The following BCL2 variants were observed in gnomAD, a reference collection of about 807,000 sequenced individuals.
BCL2 encodes BCL2 apoptosis regulator, also known as apoptosis regulator Bcl-2.
A neutral mutation model predicts 14.2 loss-of-function variants in BCL2; 1 was observed. The ratio of observed to expected loss-of-function variants is 0.07; its 90% CI spans 0.02 to 0.33. The LOEUF (loss-of-function observed/expected upper bound fraction) is 0.33, where lower values mean the gene tolerates loss of function less well. Ranked by LOEUF, BCL2 falls within the 10% of genes least tolerant of loss-of-function variation. The pLI is 0.99. For synonymous variants in BCL2, 151 were observed against 137.2 expected (o/e 1.10, Z -0.70); for missense variants, 247 against 305.9 (o/e 0.81, Z 1.44).
chr18:63,208,506 A>G (rs1909907514), intron 2 of BCL2, among the ~76,000 whole-genome samples: 1 of 152,218 alleles, frequency 6.6e-6, no homozygotes. Context: ...AAGGAGCCAA[A>G]AGGAAATACC....
chr18:63,194,327 T>A (rs969616544), intron 2 of BCL2, among the ~76,000 whole-genome samples: 1 of 142,100 alleles, frequency 7.0e-6, no homozygotes, highest in African/African-American at 2.5e-5. Flanking sequence ...GATACATTTT[T>A]AAACTTTTTT....
intron 2 of BCL2, among the ~76,000 whole-genome samples, chr18:63,202,733 A>G (rs1340112279): frequency 6.6e-6 from 1 of 152,226 alleles, no homozygotes; most frequent in African/African-American, 2.4e-5. Flanking sequence ...GTTCTTAGAC[A>G]AATGGGGATC....
At position 63,165,052 on chromosome 18, in the gene BCL2, C is replaced by T. The variant is rs575718362; in HGVS notation, c.586-36293G>A. Among the ~76,000 whole-genome samples, 76 of 151,940 alleles carry T rather than the reference C, an allele frequency of 5.0e-4. 2 individuals carry two copies. In the South Asian group the frequency reaches 0.014, roughly 27 times the overall value. ...TAACCTGCACATTGTGCACATGTACCCTAAAACTTAAAGTATAATAATAAA... is the reference window on the plus strand; with the variant it reads ...TAACCTGCACATTGTGCACATGTACTCTAAAACTTAAAGTATAATAATAAA... On this transcript the variant is annotated intron_variant, in intron 2 of 2. Transcript: ENST00000333681.
intron 2 of BCL2, among the ~76,000 whole-genome samples, chr18:63,131,383 G>A (rs1200647835): frequency 6.6e-6 from 1 of 152,192 alleles, no homozygotes; most frequent in Admixed American, 6.5e-5. Flanking sequence ...CGAGGCAATA[G>A]ACGTACATAA....
intron 2 of BCL2, among the ~76,000 whole-genome samples, chr18:63,287,850 A>G (rs1363645237): frequency 6.6e-6 from 1 of 152,222 alleles, no homozygotes; most frequent in African/African-American, 2.4e-5. Context: ...GTATGAGTGA[A>G]GAACTCAGAT....
chr18:63,193,106 G>A (rs1488099165), intron 2 of BCL2, among the ~76,000 whole-genome samples: 2 of 152,212 alleles, frequency 1.3e-5, no homozygotes, highest in East Asian at 3.9e-4. Flanking sequence ...AGAAGCACAT[G>A]TTACTGTGGT....
At chr18:63,224,204 A>C (rs560128074) in intron 2 of BCL2, among the ~76,000 whole-genome samples, 36 of 152,342 alleles carry the variant, frequency 2.4e-4, no homozygotes, top group Admixed American at 1.6e-3. Flanking sequence ...ATATGAAAAA[A>C]TCACAAAACT....
chr18:63,265,010 A>T (rs181358399), intron 2 of BCL2, among the ~76,000 whole-genome samples: 1 of 53,710 alleles, frequency 1.9e-5, no homozygotes, highest in South Asian at 6.3e-4. Context: ...GAGAGGCGCC[A>T]GGGTCCTCAA....
At chr18:63,316,599 G>A (rs576320138) in intron 2 of BCL2, 1 of 152,214 alleles carries the variant, frequency 6.6e-6, no homozygotes, top group East Asian at 1.9e-4. Context: ...AATTTAAATT[G>A]GGGCATTTTA....
At chr18:63,271,744 A>G (rs552084737) in intron 2 of BCL2, among the ~76,000 whole-genome samples, 41 of 152,346 alleles carry the variant, frequency 2.7e-4, no homozygotes, top group Middle Eastern at 6.8e-3. Context: ...CCAAGCTAGC[A>G]TTTCAGTTCA....
chr18:63,144,723 G>A (rs548913873), intron 2 of BCL2, among the ~76,000 whole-genome samples: 21 of 152,342 alleles, frequency 1.4e-4, no homozygotes, highest in Middle Eastern at 3.4e-3. Context: ...GGGCAAGGAA[G>A]TGGCATGGGA....
chr18:63,164,406 A>G (rs1209228077), intron 2 of BCL2, among the ~76,000 whole-genome samples: 1 of 152,254 alleles, frequency 6.6e-6, no homozygotes, highest in Non-Finnish European at 1.5e-5. Flanking sequence ...TGAGAACTCC[A>G]GATTAGGTAC....
intron 2 of BCL2, among the ~76,000 whole-genome samples, chr18:63,274,622 A>G (rs565219724): frequency 2.0e-5 from 3 of 151,940 alleles, no homozygotes; most frequent in Non-Finnish European, 4.4e-5. Flanking sequence ...CTTTTCCTAC[A>G]CTGGATATGC....
At chr18:63,218,815 A>G (rs12327138) in intron 2 of BCL2, among the ~76,000 whole-genome samples, 119,139 of 120,378 alleles carry the variant, frequency 0.99, 58,951 homozygotes, top group Middle Eastern at 1. Flanking sequence ...CCCTCCACTC[A>G]TCCCCATCCA....
intron 2 of BCL2, among the ~76,000 whole-genome samples, chr18:63,174,858 G>A (rs148477019): frequency 2.0e-5 from 3 of 148,662 alleles, no homozygotes; most frequent in South Asian, 2.1e-4. Context: ...GAAGTTCTAC[G>A]GTCTTCCCTC....
At chr18:63,214,128 G>A (rs1910131432) in intron 2 of BCL2, among the ~76,000 whole-genome samples, 1 of 152,162 alleles carries the variant, frequency 6.6e-6, no homozygotes, top group South Asian at 2.1e-4. Flanking sequence ...ATAAAGCTAA[G>A]AAATACGGGA....
chr18:63,142,251 G>A (rs1914385186), intron 2 of BCL2, among the ~76,000 whole-genome samples: 1 of 152,246 alleles, frequency 6.6e-6, no homozygotes, highest in South Asian at 2.1e-4. Flanking sequence ...AAAGAGCAAA[G>A]CAGACTAGGC....
At chr18:63,278,803 A>G (rs1473541346) in intron 2 of BCL2, among the ~76,000 whole-genome samples, 1 of 152,224 alleles carries the variant, frequency 6.6e-6, no homozygotes, top group Non-Finnish European at 1.5e-5. Flanking sequence ...TTATAGAGCT[A>G]TAAGTAAGAC....
rs193137238 is a variant in BCL2 at position 63,234,792 on chromosome 18, T to C, written c.585+83290A>G. Among the ~76,000 whole-genome samples the C allele has an allele frequency of 9.2e-5, 14 of 152,316 alleles. No individual in the cohort carries two copies. The East Asian group carries it at 1.9e-3, about 21-fold the overall frequency. ...AACTCTCTAAGATGTACTATCCTCA[T>C]CTAAAAATGCAAACAGAGATAGCAT... On this transcript the variant is annotated intron_variant, in intron 2 of 2. Transcript: ENST00000333681.
Sources: gnomAD v4.1 joint callset for allele counts (sites outside exome capture counted in the v4.1 genomes callset) on GRCh38, gnomAD v4.1.1 for gene constraint, MANE v1.5 for transcripts, NCBI Gene and HGNC (gene_info 2026-07-23, HGNC 2026-07-21) for gene names.